Variants in COP1 observed in about 807,000 individuals in gnomAD.
COP1 encodes E3 ubiquitin-protein ligase COP1.
Under a neutral mutation model 101.3 loss-of-function variants are expected in COP1, and 24 were observed. The observed-to-expected ratio is 0.24, with a 90% confidence interval of 0.17 to 0.33. The LOEUF is 0.33. Ranked by LOEUF, COP1 falls within the 10% of genes least tolerant of loss-of-function variation. COP1 has a pLI of 1.00. For synonymous variants in COP1, 347 were observed against 341.9 expected, an observed-to-expected ratio of 1.01 and a Z score of -0.17; for missense variants, 663 against 906.2, an observed-to-expected ratio of 0.73 and a Z score of 3.45.
At chr1:175,995,686 G>A (rs1659955702) in intron 15 of COP1, among the ~76,000 whole-genome samples, 1 of 152,102 alleles carries the variant, frequency 6.6e-6, no homozygotes, top group Admixed American at 6.5e-5. Context: ...ACCCTCCCAA[G>A]ACTAAACCAG....
chr1:175,953,911 C>T lies in COP1; in HGVS notation c.2134-6672G>A, dbSNP rs1650279511. Among the ~76,000 whole-genome samples the T allele has an allele frequency of 2.6e-5, 4 of 152,130 alleles. No homozygotes were observed. In the South Asian group the frequency reaches 8.3e-4, roughly 32 times the overall value. On this transcript the variant is annotated intron_variant, in intron 18 of 19. Transcript: ENST00000367669. The stretch of plus-strand genomic sequence containing the variant: ...GACTAAGTAGAGAGAAAATCAATAA[C>T]CATATAAAAGACTTAAACAATAGCA...
chr1:176,203,682 A>G (rs1700528498), intron 1 of COP1, among the ~76,000 whole-genome samples: 1 of 152,208 alleles, frequency 6.6e-6, no homozygotes, highest in Non-Finnish European at 1.5e-5. Context: ...CATCAATAAA[A>G]CACTGTTAAA....
intron 11 of COP1, among the ~76,000 whole-genome samples, chr1:176,059,760 T>G (rs1347965306): frequency 6.6e-6 from 1 of 152,122 alleles, no homozygotes; most frequent in Non-Finnish European, 1.5e-5. Context: ...GGATTACAGG[T>G]GTGAGCCATT....
intron 1 of COP1, among the ~76,000 whole-genome samples, chr1:176,188,746 T>C (rs187146418): frequency 2.0e-5 from 3 of 152,176 alleles, no homozygotes; most frequent in East Asian, 3.9e-4. Context: ...CCTCACTGTG[T>C]TCTTACTCCT....
chr1:176,181,609 G>A (rs1352211767), intron 2 of COP1, among the ~76,000 whole-genome samples: 4 of 152,112 alleles, frequency 2.6e-5, no homozygotes, highest in Admixed American at 1.3e-4. Flanking sequence ...TTGGGAGGCC[G>A]AGGCGGGCGG....
rs1212803591 is a variant in COP1, at chr1:176,173,986, C to CAAAAAAAAAAAAAAA, written c.565+1909_565+1923dup. ...TGGGCAACAGAGTGAGATGCTGTCT[C>CAAAAAAAAAAAAAAA]AAAAAAAAAAAAAAAAAAAAAAGAG... On this transcript the variant is annotated intron_variant, in intron 3 of 19. Coordinates refer to ENST00000367669, the MANE Select transcript of COP1 (RefSeq NM_022457.7). 5.7e-4 allele frequency among the ~76,000 whole-genome samples: 28 copies of CAAAAAAAAAAAAAAA among 49,076 alleles called. 1 individual carries two copies. Among genetic ancestry groups the CAAAAAAAAAAAAAAA allele is most frequent in the African/African-American group, 7.3e-4 (11 of 14,982 alleles). The allele number at this position is 49,076 out of a possible 152,430, so 32.2% of individuals were successfully genotyped here. A position where few individuals can be genotyped will look rare whatever the true frequency, so the allele number is the denominator to read the frequency against.
intron 5 of COP1, among the ~76,000 whole-genome samples, chr1:176,152,907 T>C (rs1196613977): frequency 6.6e-6 from 1 of 152,186 alleles, no homozygotes; most frequent in Non-Finnish European, 1.5e-5. Context: ...TCTAGAACAC[T>C]ACAGTATTTT....
In COP1 at chr1:175,945,150, C is replaced by CAATT. The variant is rs770257666; in HGVS notation, c.*2_*3insAATT. ...CAAGTACAATTTGACTTGAGTTAAC[C>CAATT]CTTCATACCAATTCTAGCACCTAAT... On this transcript the variant is annotated 3_prime_UTR_variant, in exon 20 of 20. Coordinates refer to ENST00000367669, the MANE Select transcript of COP1 (RefSeq NM_022457.7). 2.5e-6 allele frequency: 4 copies of CAATT among 1,578,326 alleles called. No individual in the cohort carries two copies. The highest frequency in any genetic ancestry group is 3.5e-5 in the Admixed American group (2 of 57,260).
chr1:176,062,865 C>T (rs1053854436), intron 11 of COP1, among the ~76,000 whole-genome samples: 1 of 151,984 alleles, frequency 6.6e-6, no homozygotes, highest in Non-Finnish European at 1.5e-5. Flanking sequence ...ATCTCAAAAA[C>T]AAGCTGGGCG....
At position 176,144,906 on chromosome 1, in the gene COP1, G is replaced by A. The variant is rs189039692; in HGVS notation, c.831+4100C>T. On this transcript the variant is annotated intron_variant, in intron 6 of 19. Coordinates refer to ENST00000367669, the MANE Select transcript of COP1 (RefSeq NM_022457.7). ...TAAATATGAAAGATAAAAGAATAAA[G>A]CTTCAAATAAAGAACAGCATAGAAA... Among the ~76,000 whole-genome samples the A allele has an allele frequency of 7.7e-3, 1,174 of 152,138 alleles. 7 individuals are homozygous for A. The highest frequency in any genetic ancestry group is 0.031 in the South Asian group (150 of 4,830).
intron 11 of COP1, among the ~76,000 whole-genome samples, chr1:176,052,216 G>A (rs914646648): frequency 4.6e-5 from 7 of 152,128 alleles, no homozygotes; most frequent in Non-Finnish European, 1.0e-4. Context: ...ACAGCATTCA[G>A]TACAGTAACA....
intron 18 of COP1, among the ~76,000 whole-genome samples, chr1:175,974,705 G>A (rs1000949298): frequency 1.8e-4 from 27 of 152,160 alleles, no homozygotes; most frequent in African/African-American, 6.5e-4. Flanking sequence ...AAACGCTTTT[G>A]ATGCTATGAT....
chr1:176,120,994 C>T (rs1417633276), intron 8 of COP1, among the ~76,000 whole-genome samples: 11 of 151,918 alleles, frequency 7.2e-5, no homozygotes, highest in Non-Finnish European at 1.5e-4. Context: ...ATAAGAGAAT[C>T]AAAGAGAGTC....
intron 2 of COP1, among the ~76,000 whole-genome samples, chr1:176,176,479 C>G (rs985309859): frequency 9.2e-5 from 14 of 152,086 alleles, no homozygotes; most frequent in African/African-American, 3.1e-4. Flanking sequence ...TCACAAAAAG[C>G]TGATTTAAAA....
intron 6 of COP1, among the ~76,000 whole-genome samples, chr1:176,143,552 GA>G (rs1024612854): frequency 2.6e-5 from 4 of 151,518 alleles, no homozygotes; most frequent in East Asian, 1.9e-4. Context: ...ATATGTGTAA[GA>G]AAAAAAACAA....
chr1:176,020,223 A>G (rs1444926288), intron 15 of COP1, among the ~76,000 whole-genome samples: 1 of 151,316 alleles, frequency 6.6e-6, no homozygotes, highest in Non-Finnish European at 1.5e-5. Flanking sequence ...AGGCAGGGGA[A>G]TCGCTTGAAC....
chr1:175,968,128 C>T (rs1652443203), intron 18 of COP1, among the ~76,000 whole-genome samples: 1 of 152,150 alleles, frequency 6.6e-6, no homozygotes, highest in South Asian at 2.1e-4. Context: ...CCTCAACCTC[C>T]CAAAGTGCTG....
At chr1:176,150,576 C>A (rs929623419) in intron 5 of COP1, among the ~76,000 whole-genome samples, 1 of 152,074 alleles carries the variant, frequency 6.6e-6, no homozygotes, top group African/African-American at 2.4e-5. Flanking sequence ...TAACTATCTA[C>A]GATTATTTGT....
intron 8 of COP1, chr1:176,133,747 T>A (rs1689338383): frequency 5.3e-6 from 2 of 376,024 alleles, no homozygotes; most frequent in Admixed American, 3.5e-5. Flanking sequence ...ACAAAAAAAA[T>A]TTGCTACTGT....
Sources: allele counts gnomAD v4.1 joint callset (sites outside exome capture counted in the v4.1 genomes callset), GRCh38; gene constraint gnomAD v4.1.1; transcripts MANE v1.5; gene names NCBI Gene and HGNC (gene_info 2026-07-23, HGNC 2026-07-21).